C13orf42: variants seen among roughly 807,000 people sequenced by gnomAD.
C13orf42 encodes the protein chromosome 13 open reading frame 42, also known as uncharacterized protein C13orf42.
chr13:51,134,912 C>A (rs998862011), intron 1 of C13orf42, among the ~76,000 whole-genome samples: 21 of 152,350 alleles, frequency 1.4e-4, no homozygotes, highest in East Asian at 1.9e-4. Flanking sequence ...GATGGAGCCA[C>A]CAGCCGCAGC....
intron 1 of C13orf42, among the ~76,000 whole-genome samples, chr13:51,140,584 C>T (rs1160929893): frequency 1.3e-5 from 2 of 152,160 alleles, no homozygotes; most frequent in Non-Finnish European, 2.9e-5. Flanking sequence ...GGTCTGAGGG[C>T]ACCCCCTCCA....
At chr13:51,135,457 C>T (rs1168839488) in intron 1 of C13orf42, among the ~76,000 whole-genome samples, 2 of 151,974 alleles carry the variant, frequency 1.3e-5, no homozygotes, top group Non-Finnish European at 1.5e-5. Context: ...TTGAGACCAG[C>T]CTGGGCAACA....
chr13:51,150,930 G>T (rs1291135516), intron 1 of C13orf42, among the ~76,000 whole-genome samples: 1 of 152,142 alleles, frequency 6.6e-6, no homozygotes, highest in Non-Finnish European at 1.5e-5. Flanking sequence ...AAAAATACCA[G>T]AAATGCTACC....
At chr13:51,095,967 C>A (rs1953230697) in intron 1 of C13orf42, among the ~76,000 whole-genome samples, 1 of 152,090 alleles carries the variant, frequency 6.6e-6, no homozygotes, top group Non-Finnish European at 1.5e-5. Context: ...TCAGTAGACA[C>A]TGAGGTTTTT....
chr13:51,160,017 T>C (rs1297133911), intron 1 of C13orf42, among the ~76,000 whole-genome samples: 2 of 152,160 alleles, frequency 1.3e-5, no homozygotes, highest in Non-Finnish European at 2.9e-5. Flanking sequence ...TTGTGAGACT[T>C]ACTCACTATC....
rs572307060 is a variant in C13orf42, at chr13:51,152,837, C to T, written n.136+19416G>A. ...CAGATAACCCTTTAAGGCTCACTGG[C>T]TTAGTGACTCAATCCCTCCAGCCTC... On this transcript the variant is annotated intron_variant and non_coding_transcript_variant, in intron 1 of 4. Coordinates refer to the C13orf42 transcript ENST00000433280. Among the ~76,000 whole-genome samples the T allele has an allele frequency of 9.5e-4, 145 of 152,284 alleles. 1 individual carries two copies. The highest frequency in any genetic ancestry group is 1.9e-3 in the Non-Finnish European group (129 of 68,016).
intron 1 of C13orf42, among the ~76,000 whole-genome samples, chr13:51,150,528 T>C (rs7325564): frequency 0.64 from 97,400 of 152,160 alleles, 32,744 homozygotes; most frequent in East Asian, 0.85. Flanking sequence ...CAGCCCAAAT[T>C]TGGCATAAAT....
intron 1 of C13orf42, among the ~76,000 whole-genome samples, chr13:51,146,749 A>G (rs1273094098): frequency 2.6e-5 from 4 of 152,242 alleles, no homozygotes; most frequent in Non-Finnish European, 5.9e-5. Context: ...CATTTATCTC[A>G]GTGAGCAGAG....
At chr13:51,115,825 T>C (rs1331407311), upstream of C13orf42, among the ~76,000 whole-genome samples, 1 of 152,222 alleles carries the variant, frequency 6.6e-6, no homozygotes, top group Non-Finnish European at 1.5e-5. Context: ...GCACAGTGTA[T>C]TGGAACATTT....
chr13:51,110,104 G>A (rs1953410828), intron 1 of C13orf42, among the ~76,000 whole-genome samples: 1 of 152,194 alleles, frequency 6.6e-6, no homozygotes, highest in Non-Finnish European at 1.5e-5. Flanking sequence ...GCCACCACAT[G>A]CCTGGTCTGA....
rs939774933 is a variant in C13orf42 at position 51,111,059 on chromosome 13, C to T, written c.151G>A (p.Glu51Lys). Residue 51 changes from glutamate to lysine, a missense_variant, in exon 1 of 4, where the codon GAG becomes AAG. By Grantham distance (56) the Glu-to-Lys change is moderately conservative. Coordinates refer to ENST00000563710, the MANE Select transcript of C13orf42 (RefSeq NM_001351589.3). ...VVGDHGEKFS[E>K]SLKKYKSTSS... is the part of the protein sequence containing the mutation. ...GTGCTTTTGTACTTCTTTAAGGACT[C>T]GCTGAATTTCTCCCCGTGGTCCCCG... is the stretch of plus-strand genomic sequence containing the variant. The T allele has an allele frequency of 2.5e-6, 1 of 398,518 alleles. No individual in the cohort carries two copies. Among genetic ancestry groups the T allele is most frequent in the South Asian group, 1.3e-4 (1 of 7,848 alleles). 24.7% of individuals were successfully genotyped at this position (398,518 alleles called of 1,614,324 possible).
At chr13:51,159,522 T>C (rs1566142282) in intron 1 of C13orf42, among the ~76,000 whole-genome samples, 1 of 152,196 alleles carries the variant, frequency 6.6e-6, no homozygotes, top group Non-Finnish European at 1.5e-5. Flanking sequence ...TAGATTAGAG[T>C]TGAATTTTCG....
intron 1 of C13orf42, among the ~76,000 whole-genome samples, chr13:51,155,317 T>C (rs1953816118): frequency 6.6e-6 from 1 of 152,234 alleles, no homozygotes; most frequent in South Asian, 2.1e-4. Flanking sequence ...TAACTAGGGC[T>C]AAGATACAAG....
chr13:51,130,250 C>T (rs1417450205), intron 1 of C13orf42, among the ~76,000 whole-genome samples: 3 of 152,148 alleles, frequency 2.0e-5, no homozygotes, highest in Non-Finnish European at 4.4e-5. Flanking sequence ...TTGCTAAATG[C>T]TTTAAGGTCA....
At chr13:51,144,257 A>G (rs540020466) in intron 1 of C13orf42, among the ~76,000 whole-genome samples, 217 of 152,310 alleles carry the variant, frequency 1.4e-3, no homozygotes, top group African/African-American at 4.9e-3. Flanking sequence ...CAGAATAGGA[A>G]TTAACTGCAT....
chr13:51,170,204 C>G (rs1219777616), intron 1 of C13orf42, among the ~76,000 whole-genome samples: 2 of 152,182 alleles, frequency 1.3e-5, no homozygotes, highest in Non-Finnish European at 2.9e-5. Flanking sequence ...CCACCCTTAT[C>G]TCCGTTTGCT....
At chr13:51,128,374 A>C (rs1387111547) in intron 1 of C13orf42, among the ~76,000 whole-genome samples, 1 of 152,216 alleles carries the variant, frequency 6.6e-6, no homozygotes, top group African/African-American at 2.4e-5. Context: ...TGAACCATGC[A>C]AGGGATGACA....
At chr13:51,167,738 T>C (rs926144784) in intron 1 of C13orf42, among the ~76,000 whole-genome samples, 2 of 152,210 alleles carry the variant, frequency 1.3e-5, no homozygotes, top group Non-Finnish European at 2.9e-5. Context: ...GGTGGGTGTG[T>C]CTTTTCTATC....
At chr13:51,125,766 C>T (rs1953571964) in intron 1 of C13orf42, among the ~76,000 whole-genome samples, 2 of 152,216 alleles carry the variant, frequency 1.3e-5, no homozygotes, top group Non-Finnish European at 2.9e-5. Context: ...CTGCCCTGGG[C>T]TCTGTGAGGG....
Sources: gnomAD v4.1 joint callset for allele counts (sites outside exome capture counted in the v4.1 genomes callset) on GRCh38, gnomAD v4.1.1 for gene constraint, MANE v1.5 for transcripts, NCBI Gene and HGNC (gene_info 2026-07-23, HGNC 2026-07-21) for gene names.